SRGAP2: variants seen among roughly 807,000 people sequenced by gnomAD.
SRGAP2 encodes the protein SLIT-ROBO Rho GTPase-activating protein 2.
SRGAP2 carries 15 observed loss-of-function variants against 57.2 expected under a neutral mutation model. The ratio of observed to expected loss-of-function variants is 0.26; its 90% CI spans 0.18 to 0.40. SRGAP2 has a LOEUF of 0.40. Ranked by LOEUF, SRGAP2 falls within the 10% of genes least tolerant of loss-of-function variation. The probability of loss-of-function intolerance (pLI) is 1.00; values close to 1 mark genes in which losing one functional copy is unlikely to be tolerated. For synonymous variants in SRGAP2, 249 were observed against 248.0 expected (o/e 1.00, Z -0.04); for missense variants, 520 against 669.6 (o/e 0.78, Z 2.47).
intron 4 of SRGAP2, among the ~76,000 whole-genome samples, chr1:206,356,933 G>C (rs1281589476): frequency 7.1e-6 from 1 of 141,260 alleles, no homozygotes; most frequent in Non-Finnish European, 1.5e-5. Flanking sequence ...AAATCATTTG[G>C]GTCTACATCC....
chr1:206,327,327 C>CAA (rs1553330360), intron 3 of SRGAP2, among the ~76,000 whole-genome samples: 1 of 87,752 alleles, frequency 1.1e-5, no homozygotes. Context: ...AACTCCGTCT[C>CAA]AAAAAAAAAA....
intron 2 of SRGAP2, among the ~76,000 whole-genome samples, chr1:206,292,111 T>G (rs1319808862): frequency 6.6e-6 from 1 of 152,024 alleles, no homozygotes; most frequent in Non-Finnish European, 1.5e-5. Context: ...GACTATAGCT[T>G]CATGAGAGGA....
Position 206,454,216 on chromosome 1 carries a change from T to G in SRGAP2, c.2361-662T>G. 1 of 702,416 alleles carries G rather than the reference T, an allele frequency of 1.4e-6. No individual in the cohort carries two copies. The allele number at this position is 702,416 out of a possible 1,614,324, so 43.5% of individuals were successfully genotyped here. A position where few individuals can be genotyped will look rare whatever the true frequency, so the allele number is the denominator to read the frequency against. ...GTTCTGCAGGGAAATCCTCCCTCTG[T>G]TGATAGCATCGCAAACCTGGTGGCA... is the stretch of plus-strand genomic sequence containing the variant. On this transcript the variant is annotated intron_variant, in intron 20 of 22. Transcript: ENST00000573034. This position sits in a 1 kb window ranked among gnomAD's most constrained non-coding sequence, Gnocchi z 4.3.
Position 206,365,901 on chromosome 1 carries a change from G to A in SRGAP2, c.424-18113G>A, listed in dbSNP as rs530673944. Among the ~76,000 whole-genome samples the A allele has an allele frequency of 1.2e-3, 176 of 151,316 alleles. 3 individuals carry two copies. In the South Asian group the frequency reaches 0.022, roughly 19 times the overall value. ...ATCTGGTTCTTGGGAAAGAACTGAAGTTTTCAGATTTTGCAAAATTATGGA... is the reference window on the plus strand; with the variant it reads ...ATCTGGTTCTTGGGAAAGAACTGAAATTTTCAGATTTTGCAAAATTATGGA... On this transcript the variant is annotated intron_variant, in intron 4 of 22. Coordinates refer to ENST00000573034, the MANE Select transcript of SRGAP2 (RefSeq NM_015326.5).
At chr1:206,307,638 C>A (rs1206453589) in intron 3 of SRGAP2, among the ~76,000 whole-genome samples, 3 of 152,236 alleles carry the variant, frequency 2.0e-5, no homozygotes, top group Non-Finnish European at 4.4e-5. Flanking sequence ...TCGAGCACAG[C>A]GCCGATGGGC....
Position 206,205,840 on chromosome 1 carries a change from C to G in SRGAP2, c.-131C>G. The G allele has an allele frequency of 1.5e-6, 1 of 675,570 alleles. No individual in the cohort carries two copies. The allele number at this position is 675,570 out of a possible 1,614,324, so 41.8% of individuals were successfully genotyped here. ...AGCCCGCAGCCCGCGCTCCACGGAG[C>G]GCTGGAGACCACCGTGGGGGGCCCC... On this transcript the variant is annotated 5_prime_UTR_variant, in exon 2 of 23. Transcript: ENST00000573034.
chr1:206,452,396 A>G (rs2103390875), intron 19 of SRGAP2, among the ~76,000 whole-genome samples: 1 of 152,354 alleles, frequency 6.6e-6, no homozygotes, highest in South Asian at 2.1e-4. Context: ...CTCACATTCT[A>G]CTTACTAGGG....
rs1654760418 is a variant in SRGAP2 at position 206,372,964 on chromosome 1, C to CCTTCCTTT, written c.424-11047_424-11046insCCTTTCTT. 5.1e-4 allele frequency among the ~76,000 whole-genome samples: 12 copies of CCTTCCTTT among 23,342 alleles called. 3 individuals carry two copies. In the South Asian group the frequency reaches 0.015, roughly 30 times the overall value. The allele number at this position is 23,342 out of a possible 152,430, so 15.3% of individuals were successfully genotyped here. On this transcript the variant is annotated intron_variant, in intron 4 of 22. Transcript: ENST00000573034. Reference sequence around the variant, plus strand: ...CTTTCTTTCTTTCTTTCTTTTCTTTCCTTTCTTTCTTTCTTTCTTTCTTTC... The same window carrying CCTTCCTTT: ...CTTTCTTTCTTTCTTTCTTTTCTTTCCTTCCTTTCTTTCTTTCTTTCTTTCTTTCTTTC...
intron 21 of SRGAP2, among the ~76,000 whole-genome samples, chr1:206,458,177 G>GA (rs1353591325): frequency 1.3e-5 from 2 of 152,196 alleles, no homozygotes; most frequent in Non-Finnish European, 2.9e-5. Context: ...AGTCTTTTTG[G>GA]AAAAAGAGTC....
At chr1:206,434,858 GC>G (rs1558429472) in intron 14 of SRGAP2, among the ~76,000 whole-genome samples, 1 of 152,152 alleles carries the variant, frequency 6.6e-6, no homozygotes, top group African/African-American at 2.4e-5. Context: ...AGATGATGAC[GC>G]TCTTTCAAGA....
intron 11 of SRGAP2, among the ~76,000 whole-genome samples, chr1:206,417,282 T>G (rs1055667480): frequency 5.3e-5 from 8 of 152,028 alleles, no homozygotes; most frequent in Non-Finnish European, 1.0e-4. Flanking sequence ...TTTTGTATTT[T>G]CAGTTGAGAT....
chr1:206,437,099 G>C, intron 15 of SRGAP2, 57 bp downstream of exon 15: 1 of 777,622 alleles, frequency 1.3e-6, no homozygotes, highest in Non-Finnish European at 2.4e-6. Flanking sequence ...TGGGGTATTG[G>C]CTCCACCCTT....
intron 2 of SRGAP2, among the ~76,000 whole-genome samples, chr1:206,239,848 T>C (rs1668102355): frequency 6.6e-6 from 1 of 151,296 alleles, no homozygotes; most frequent in Non-Finnish European, 1.5e-5. Flanking sequence ...ACAGTTACAA[T>C]TTTTGACAGA....
chr1:206,210,344 G>C (rs1666233786), intron 2 of SRGAP2, among the ~76,000 whole-genome samples: 1 of 142,940 alleles, frequency 7.0e-6, no homozygotes, highest in African/African-American at 2.6e-5. Flanking sequence ...GTCTGAAACA[G>C]GGTGGCACTG....
At chr1:206,354,739 T>TTTCTCTCTCTCTCTCC (rs1270398556) in intron 4 of SRGAP2, among the ~76,000 whole-genome samples, 11 of 151,652 alleles carry the variant, frequency 7.3e-5, no homozygotes, top group African/African-American at 2.4e-4. Flanking sequence ...TTTCTCTCTC[T>TTTCTCTCTCTCTCTCC]TTCTCTCTCT....
At chr1:206,272,770 A>G (rs1404678052) in intron 2 of SRGAP2, among the ~76,000 whole-genome samples, 2 of 152,118 alleles carry the variant, frequency 1.3e-5, no homozygotes, top group African/African-American at 2.4e-5. Context: ...ATCTTTCCCC[A>G]ACCCCCTAGT....
chr1:206,278,032 C>T (rs1267107692), intron 2 of SRGAP2, among the ~76,000 whole-genome samples: 1 of 151,374 alleles, frequency 6.6e-6, no homozygotes, highest in Non-Finnish European at 1.5e-5. Context: ...CTTTTAGCCA[C>T]TACCAAGTAG....
rs528409889 is a variant in SRGAP2, at chr1:206,259,677, G to A, written c.68-43604G>A. 7.0e-3 allele frequency among the ~76,000 whole-genome samples: 1,059 copies of A among 151,628 alleles called. 14 individuals are homozygous for A. Among genetic ancestry groups the A allele is most frequent in the African/African-American group, 0.025 (1,026 of 41,316 alleles). On this transcript the variant is annotated intron_variant, in intron 2 of 22. Coordinates refer to ENST00000573034, the MANE Select transcript of SRGAP2 (RefSeq NM_015326.5). The stretch of plus-strand genomic sequence containing the variant: ...TATGGGTAGGTAGAAGTGTCTAGTT[G>A]TTCTTGGTGTTTTGTTAGAGCAAGA...
intron 4 of SRGAP2, among the ~76,000 whole-genome samples, chr1:206,360,785 G>C (rs1277802224): frequency 5.4e-5 from 8 of 149,394 alleles, no homozygotes; most frequent in African/African-American, 2.0e-4. Flanking sequence ...TGAAGAATCT[G>C]AGAGCCAATG....
Sources: gnomAD v4.1 joint callset for allele counts (sites outside exome capture counted in the v4.1 genomes callset) on GRCh38, gnomAD v4.1.1 for gene constraint, Gnocchi (gnomAD v3.1) non-coding constraint, MANE v1.5 for transcripts, NCBI Gene and HGNC (gene_info 2026-07-23, HGNC 2026-07-21) for gene names.